The following NAV1 variants were observed in gnomAD, a reference collection of about 807,000 sequenced individuals.
The protein encoded by NAV1 is pore membrane and/or filament interacting like protein 3.
NAV1 carries 18 observed loss-of-function variants against 175.2 expected under a neutral mutation model. The ratio of observed to expected loss-of-function variants is 0.10; its 90% CI spans 0.07 to 0.15. NAV1 has a LOEUF of 0.15. NAV1 is among the 10% of genes least tolerant of loss of function. The probability of loss-of-function intolerance (pLI) is 1.00; values close to 1 mark genes in which losing one functional copy is unlikely to be tolerated. For synonymous variants in NAV1, 897 were observed against 978.7 expected (o/e 0.92, Z 1.56); for missense variants, 1,731 against 2,436.6 (o/e 0.71, Z 6.10).
intron 3 of NAV1, among the ~76,000 whole-genome samples, chr1:201,765,344 T>TAATTTTC (rs1675133623): frequency 6.6e-6 from 1 of 151,524 alleles, no homozygotes; most frequent in Non-Finnish European, 1.5e-5. Context: ...CATTGGAGTA[T>TAATTTTC]AATTTTCTTG....
chr1:201,562,238 C>T (rs1449923938), intron 1 of NAV1, among the ~76,000 whole-genome samples: 5 of 146,556 alleles, frequency 3.4e-5, no homozygotes, highest in East Asian at 2.0e-4. Context: ...AGGCTGGTCT[C>T]GAACTCCTGG....
chr1:201,559,236 C>A (rs908657023), intron 1 of NAV1, among the ~76,000 whole-genome samples: 1 of 152,066 alleles, frequency 6.6e-6, no homozygotes, highest in Non-Finnish European at 1.5e-5. Context: ...TACGGGCCTG[C>A]CGAGAGGCTA....
chr1:201,681,981 T>A (rs1357914004), intron 1 of NAV1, among the ~76,000 whole-genome samples: 2 of 152,120 alleles, frequency 1.3e-5, no homozygotes, highest in African/African-American at 2.4e-5. Flanking sequence ...CTGGGTGTGG[T>A]GATGCACATC....
intron 1 of NAV1, among the ~76,000 whole-genome samples, chr1:201,685,251 CAAAA>C (rs202097705): frequency 6.6e-6 from 1 of 151,856 alleles, no homozygotes; most frequent in Non-Finnish European, 1.5e-5. Context: ...AAAAACAAAA[CAAAA>C]AAAACCTGGT....
At chr1:201,564,396 C>G (rs1666295789) in intron 1 of NAV1, among the ~76,000 whole-genome samples, 1 of 152,188 alleles carries the variant, frequency 6.6e-6, no homozygotes, top group South Asian at 2.1e-4. Context: ...GGGCAGATCA[C>G]TTGAGGTCAG....
intron 3 of NAV1, among the ~76,000 whole-genome samples, chr1:201,764,654 C>T (rs866994983): frequency 1.3e-5 from 2 of 152,138 alleles, no homozygotes; most frequent in African/African-American, 4.8e-5. Flanking sequence ...CTCTCTTAAC[C>T]TTAGGGCAAA....
At chr1:201,809,947 A>C (rs1005078727) in exon 23 of NAV1, 3 of 1,610,624 alleles carry the variant, frequency 1.9e-6, no homozygotes, top group Non-Finnish European at 2.5e-6. Context: ...TTCTGTCAGG[A>C]CTATATTTCT....
intron 2 of NAV1, among the ~76,000 whole-genome samples, chr1:201,615,447 T>G (rs1667976926): frequency 6.6e-6 from 1 of 152,034 alleles, no homozygotes; most frequent in Admixed American, 6.6e-5. Context: ...GTAATTTTAG[T>G]AGAGATGGGG....
chr1:201,820,052 G>A, exon 30 of NAV1: 3 of 926,094 alleles, frequency 3.2e-6, no homozygotes, highest in East Asian at 2.5e-5. Flanking sequence ...GAGAACAGGA[G>A]GGAGGAGGAG....
At chr1:201,613,086 G>C (rs1003590021) in intron 2 of NAV1, among the ~76,000 whole-genome samples, 1 of 152,100 alleles carries the variant, frequency 6.6e-6, no homozygotes, top group Non-Finnish European at 1.5e-5. Context: ...GATTCTGTCC[G>C]TGGCCTCTGG....
intron 3 of NAV1, among the ~76,000 whole-genome samples, chr1:201,760,041 T>C (rs575477772): frequency 6.6e-5 from 10 of 152,244 alleles, no homozygotes; most frequent in Non-Finnish European, 1.3e-4. Context: ...TTTTTAGTTT[T>C]GAACTTAAAC....
intron 1 of NAV1, among the ~76,000 whole-genome samples, chr1:201,556,676 C>T (rs751827142): frequency 1.3e-5 from 2 of 152,192 alleles, no homozygotes; most frequent in African/African-American, 4.8e-5. Flanking sequence ...GTCCTAGCCC[C>T]AACCTTAGTC....
chr1:201,675,058 A>G (rs1415570568), intron 1 of NAV1, among the ~76,000 whole-genome samples: 1 of 150,934 alleles, frequency 6.6e-6, no homozygotes, highest in Non-Finnish European at 1.5e-5. Flanking sequence ...AGAACTCACT[A>G]TGGCAAGGAT....
intron 2 of NAV1, among the ~76,000 whole-genome samples, chr1:201,613,085 C>T (rs976485609): frequency 6.6e-6 from 1 of 152,070 alleles, no homozygotes; most frequent in East Asian, 1.9e-4. Flanking sequence ...GGATTCTGTC[C>T]GTGGCCTCTG....
In NAV1 at chr1:201,596,310, C is replaced by T. The variant is rs546470993; in HGVS notation, c.-33+7661C>T. ...GCCAAGGGCACCTTCGTGTATCTCT[C>T]ATTAGTCCAAGGGCTTCCTGATGAC... On this transcript the variant is annotated intron_variant, in intron 2 of 33. Coordinates refer to the NAV1 transcript ENST00000685211. Among the ~76,000 whole-genome samples the T allele has an allele frequency of 4.4e-4, 67 of 152,344 alleles. 1 individual carries two copies. Among genetic ancestry groups the T allele is most frequent in the African/African-American group, 1.6e-3 (66 of 41,582 alleles).
At chr1:201,557,506 G>A (rs530627513) in intron 1 of NAV1, among the ~76,000 whole-genome samples, 2 of 152,224 alleles carry the variant, frequency 1.3e-5, no homozygotes, top group African/African-American at 4.8e-5. Flanking sequence ...GGTTCCCCTG[G>A]GCTAGTCTTA....
intron 24 of NAV1, among the ~76,000 whole-genome samples, chr1:201,811,393 G>T (rs1678682415): frequency 6.6e-6 from 1 of 152,146 alleles, no homozygotes; most frequent in Non-Finnish European, 1.5e-5. Flanking sequence ...CAACTTTGGG[G>T]AATTTAGGGG....
chr1:201,783,161 A>G (rs1031140576), intron 6 of NAV1, among the ~76,000 whole-genome samples: 4 of 152,194 alleles, frequency 2.6e-5, no homozygotes, highest in African/African-American at 9.7e-5. Context: ...ATTTACACAT[A>G]TATACCTATT....
intron 13 of NAV1, 159 bp downstream of exon 17, chr1:201,790,925 T>C: frequency 1.5e-6 from 1 of 663,678 alleles, no homozygotes; most frequent in Non-Finnish European, 2.6e-6. Flanking sequence ...ACGAGGGGAT[T>C]GTTCTTCCCC....
Sources: allele counts gnomAD v4.1 joint callset (sites outside exome capture counted in the v4.1 genomes callset), GRCh38; gene constraint gnomAD v4.1.1; transcripts MANE v1.5; gene names NCBI Gene and HGNC (gene_info 2026-07-23, HGNC 2026-07-21).